Variants in MATN2 observed in about 807,000 individuals in gnomAD.
MATN2 encodes matrilin 2, also known as matrilin-2.
A neutral mutation model predicts 103.2 loss-of-function variants in MATN2; 69 were observed. That is an observed-to-expected ratio of 0.67 (90% CI 0.55 to 0.82). The LOEUF (loss-of-function observed/expected upper bound fraction) is 0.82, where lower values mean the gene tolerates loss of function less well. MATN2 is among the 40% of genes least tolerant of loss of function. The probability of loss-of-function intolerance (pLI) is 0.00; values close to 1 mark genes in which losing one functional copy is unlikely to be tolerated. For missense variants in MATN2, 1,023 were observed against 1,211.5 expected (o/e 0.84, Z 2.31); for synonymous variants, 429 against 450.2 (o/e 0.95, Z 0.60).
intron 18 of MATN2, among the ~76,000 whole-genome samples, chr8:98,035,344 C>T (rs1306659540): frequency 2.0e-5 from 3 of 150,014 alleles, no homozygotes; most frequent in African/African-American, 7.4e-5. Context: ...GCAACAAGAG[C>T]GAAACTCTGT....
chr8:97,961,353 G>A, intron 4 of MATN2, 55 bp from the exon 5 acceptor site: 3 of 1,531,260 alleles, frequency 2.0e-6, no homozygotes, highest in Non-Finnish European at 2.6e-6. Flanking sequence ...CCCTGGGCTG[G>A]GAGCATTCTC....
At chr8:97,945,456 C>G (rs1356061793) in intron 4 of MATN2, among the ~76,000 whole-genome samples, 2 of 151,972 alleles carry the variant, frequency 1.3e-5, no homozygotes, top group Non-Finnish European at 2.9e-5. Context: ...GTCCCATGAC[C>G]CTAGAGGACC....
At chr8:97,987,452 G>T (rs1469161638) in intron 6 of MATN2, among the ~76,000 whole-genome samples, 2 of 151,402 alleles carry the variant, frequency 1.3e-5, no homozygotes, top group Non-Finnish European at 2.9e-5. Flanking sequence ...AAAAGTTGAA[G>T]GAAAAAAAAG....
Position 97,931,490 on chromosome 8 carries a change from C to T in MATN2, c.680C>T (p.Thr227Met), listed in dbSNP as rs1000362637. The T allele has an allele frequency of 2.3e-5, 37 of 1,611,516 alleles. No individual in the cohort carries two copies. Among genetic ancestry groups the T allele is most frequent in the Middle Eastern group, 1.6e-4 (1 of 6,072 alleles). The change falls in exon 3 of 19, where the codon ACG (threonine) becomes ATG (methionine). Residue 227 changes from threonine to methionine, a missense_variant. Transcript: ENST00000254898. This position sits in a 1 kb window ranked among gnomAD's most constrained non-coding sequence, Gnocchi z 4.1. ...FLVANFSQIETLTSVFQKKLC... is the reference protein window; with the variant it reads ...FLVANFSQIEMLTSVFQKKLC... ...GTGGCCAATTTCAGCCAGATTGAGACGCTGACCTCCGTGTTCCAGAAGAAG... is the reference window on the plus strand; with the variant it reads ...GTGGCCAATTTCAGCCAGATTGAGATGCTGACCTCCGTGTTCCAGAAGAAG...
intron 7 of MATN2, among the ~76,000 whole-genome samples, chr8:98,000,339 C>CTA (rs1362072894): frequency 2.6e-5 from 4 of 151,642 alleles, no homozygotes; most frequent in African/African-American, 9.7e-5. Context: ...TGGCTCACGC[C>CTA]TATAATCCCA....
chr8:97,956,520 A>G (rs1811150086), intron 4 of MATN2, among the ~76,000 whole-genome samples: 1 of 152,176 alleles, frequency 6.6e-6, no homozygotes. Context: ...TTATGCAGGA[A>G]TTTCTAGGGA....
intron 4 of MATN2, among the ~76,000 whole-genome samples, chr8:97,958,698 A>G (rs1267131489): frequency 6.6e-6 from 1 of 152,116 alleles, no homozygotes; most frequent in African/African-American, 2.4e-5. Context: ...AGGTGCTTAA[A>G]TTTTCCCAGG....
At chr8:97,887,885 C>A in intron 1 of MATN2, 190 bp from the exon 2 acceptor site, 1 of 510,516 alleles carries the variant, frequency 2.0e-6, no homozygotes, top group Non-Finnish European at 3.4e-6. Flanking sequence ...ATGCCCTGCT[C>A]GGAGCGTCCA....
chr8:97,873,189 A>G (rs1451510293), intron 1 of MATN2, among the ~76,000 whole-genome samples: 1 of 152,210 alleles, frequency 6.6e-6, no homozygotes, highest in African/African-American at 2.4e-5. Context: ...ATATTAGAGT[A>G]TTAGATTGGG....
chr8:98,018,381 G>A (rs1813448115), intron 12 of MATN2, among the ~76,000 whole-genome samples: 1 of 152,098 alleles, frequency 6.6e-6, no homozygotes, highest in Non-Finnish European at 1.5e-5. Flanking sequence ...AGCTGTGTGG[G>A]TGCCCGGAAA....
At chr8:97,921,421 AGTG>A (rs1390606844) in intron 2 of MATN2, among the ~76,000 whole-genome samples, 2 of 152,312 alleles carry the variant, frequency 1.3e-5, no homozygotes, top group South Asian at 2.1e-4. Flanking sequence ...TGCATTCTAC[AGTG>A]TCAGGCCTCA....
At chr8:97,933,982 A>G (rs902116483) in intron 3 of MATN2, among the ~76,000 whole-genome samples, 1 of 152,216 alleles carries the variant, frequency 6.6e-6, no homozygotes, top group African/African-American at 2.4e-5. Context: ...AGGTTAAGGA[A>G]CTTGCTAAGT....
At chr8:97,912,620 A>G (rs570318496) in intron 2 of MATN2, among the ~76,000 whole-genome samples, 22 of 152,306 alleles carry the variant, frequency 1.4e-4, no homozygotes, top group African/African-American at 5.3e-4. Flanking sequence ...GAGTCTCTGC[A>G]GAAGATGAGG....
At chr8:97,900,839 G>A (rs1264334354) in intron 2 of MATN2, among the ~76,000 whole-genome samples, 1 of 152,180 alleles carries the variant, frequency 6.6e-6, no homozygotes, top group Non-Finnish European at 1.5e-5. Context: ...GGAGGCTGAG[G>A]CAGGAGAATG....
rs1419474348 is a variant in MATN2 at position 97,992,703 on chromosome 8, G to A, written c.1082-1777G>A. Among the ~76,000 whole-genome samples, 7 of 134,594 alleles carry A rather than the reference G, an allele frequency of 5.2e-5. 1 individual carries two copies. The highest frequency in any genetic ancestry group is 5.2e-4 in the Admixed American group (6 of 11,546). The allele number at this position is 134,594 out of a possible 152,430, so 88.3% of individuals were successfully genotyped here. A position where few individuals can be genotyped will look rare whatever the true frequency, so the allele number is the denominator to read the frequency against. ...AGAGGTTGCAGTGAGCCAAGATTGC[G>A]CCACTGCACTCCAGCCTGGGTGTTA... On this transcript the variant is annotated intron_variant, in intron 6 of 18. Coordinates refer to ENST00000254898, the MANE Select transcript of MATN2 (RefSeq NM_002380.5).
chr8:97,980,512 A>G (rs1403642624), intron 6 of MATN2, among the ~76,000 whole-genome samples: 2 of 148,960 alleles, frequency 1.3e-5, no homozygotes, highest in Non-Finnish European at 3.0e-5. Context: ...TTCCTCAGTT[A>G]CAGTACAGGA....
intron 5 of MATN2, among the ~76,000 whole-genome samples, chr8:97,967,240 G>A (rs1029731920): frequency 5.9e-5 from 9 of 152,088 alleles, no homozygotes; most frequent in Non-Finnish European, 1.2e-4. Context: ...AGATTTGGAG[G>A]CAATAAGCAT....
intron 4 of MATN2, among the ~76,000 whole-genome samples, chr8:97,948,503 T>C (rs1400767624): frequency 6.6e-6 from 1 of 152,174 alleles, no homozygotes. Context: ...GATGAACATA[T>C]AGAGCAATGG....
At chr8:97,906,093 A>G (rs1365132034) in intron 2 of MATN2, among the ~76,000 whole-genome samples, 2 of 152,168 alleles carry the variant, frequency 1.3e-5, no homozygotes, top group Non-Finnish European at 2.9e-5. Context: ...TCTATGTTTA[A>G]CTTTCTAGGA....
Sources: allele counts gnomAD v4.1 joint callset (sites outside exome capture counted in the v4.1 genomes callset), GRCh38; gene constraint gnomAD v4.1.1; non-coding constraint Gnocchi (gnomAD v3.1); transcripts MANE v1.5; gene names NCBI Gene and HGNC (gene_info 2026-07-23, HGNC 2026-07-21).